SLC8A1: variants seen among roughly 807,000 people sequenced by gnomAD.
The protein encoded by SLC8A1 is solute carrier family 8 member A1.
A neutral mutation model predicts 68.3 loss-of-function variants in SLC8A1; 18 were observed. The observed-to-expected ratio is 0.26, with a 90% CI of 0.18 to 0.39. SLC8A1 has a LOEUF of 0.39. Among genes scored for constraint, SLC8A1 ranks in the 10% least tolerant of loss-of-function variants. The probability of loss-of-function intolerance (pLI) is 1.00; values close to 1 mark genes in which losing one functional copy is unlikely to be tolerated. For synonymous variants in SLC8A1, 475 were observed against 415.5 expected, an observed-to-expected ratio of 1.14 and a Z score of -1.74; for missense variants, 985 against 1,156.7, an observed-to-expected ratio of 0.85 and a Z score of 2.15.
intron 2 of SLC8A1, among the ~76,000 whole-genome samples, chr2:40,208,173 A>G (rs542185396): frequency 6.6e-6 from 1 of 152,196 alleles, no homozygotes; most frequent in East Asian, 1.9e-4. Context: ...TGTAGAAAGA[A>G]CTCAAATTAT....
At chr2:40,323,546 A>G (rs1394043220) in intron 2 of SLC8A1, among the ~76,000 whole-genome samples, 1 of 152,072 alleles carries the variant, frequency 6.6e-6, no homozygotes, top group East Asian at 1.9e-4. Flanking sequence ...TTCTATTAAC[A>G]CTCATTCCGT....
chr2:40,331,117 G>C (rs1417042596), intron 2 of SLC8A1, among the ~76,000 whole-genome samples: 2 of 152,152 alleles, frequency 1.3e-5, no homozygotes, highest in Non-Finnish European at 2.9e-5. Flanking sequence ...TCCTACCTAG[G>C]AAAATGAGGG....
intron 2 of SLC8A1, among the ~76,000 whole-genome samples, chr2:40,202,862 C>T (rs1287909389): frequency 2.0e-5 from 3 of 151,950 alleles, no homozygotes; most frequent in Admixed American, 6.6e-5. Flanking sequence ...TTTCTCTATG[C>T]CCAGGTAGAA....
rs1279678173 is a variant in SLC8A1, at chr2:40,307,501, T to A, written c.1808+120972A>T. Among the ~76,000 whole-genome samples the A allele has an allele frequency of 4.6e-5, 7 of 152,198 alleles. No homozygotes were observed. The East Asian group carries it at 1.3e-3, about 29-fold the overall frequency. ...TACTTAACACTATTGAACTGTACAC[T>A]TAAGATGGTCAGGATAGTAAATTTT... On this transcript the variant is annotated intron_variant, in intron 2 of 7. Coordinates refer to ENST00000406785, the Ensembl canonical transcript of SLC8A1.
At chr2:40,277,801 TA>T (rs2066943626) in intron 2 of SLC8A1, among the ~76,000 whole-genome samples, 3 of 68,744 alleles carry the variant, frequency 4.4e-5, no homozygotes, top group Non-Finnish European at 7.6e-5. Context: ...TGTGTATATA[TA>T]TATATATATA....
chr2:40,282,855 C>T (rs980031460), intron 2 of SLC8A1, among the ~76,000 whole-genome samples: 2 of 152,068 alleles, frequency 1.3e-5, no homozygotes, highest in Non-Finnish European at 2.9e-5. Context: ...GACATTCTTC[C>T]CATCCCATAC....
At chr2:40,460,565 C>G (rs1576612033) in intron 1 of SLC8A1, among the ~76,000 whole-genome samples, 1 of 146,834 alleles carries the variant, frequency 6.8e-6, no homozygotes, top group Non-Finnish European at 1.5e-5. Flanking sequence ...TAAAATCAGA[C>G]TGTAAGTATT....
chr2:40,260,592 G>A (rs894471192), intron 2 of SLC8A1, among the ~76,000 whole-genome samples: 1 of 152,126 alleles, frequency 6.6e-6, no homozygotes, highest in Non-Finnish European at 1.5e-5. Context: ...TATACCCACA[G>A]TCACTGGAGG....
At chr2:40,403,536 T>A (rs1029178646) in intron 2 of SLC8A1, among the ~76,000 whole-genome samples, 1 of 152,154 alleles carries the variant, frequency 6.6e-6, no homozygotes, top group Non-Finnish European at 1.5e-5. Flanking sequence ...CCTGCAGGAG[T>A]AAATTCAGTA....
chr2:40,276,935 C>T (rs1430563827), intron 2 of SLC8A1, among the ~76,000 whole-genome samples: 1 of 152,138 alleles, frequency 6.6e-6, no homozygotes, highest in African/African-American at 2.4e-5. Flanking sequence ...CTTAGAAAGG[C>T]TTGAGTCGAA....
At chr2:40,233,308 G>C (rs1319994930) in intron 2 of SLC8A1, among the ~76,000 whole-genome samples, 1 of 152,160 alleles carries the variant, frequency 6.6e-6, no homozygotes, top group Non-Finnish European at 1.5e-5. Context: ...GTGTGAGATG[G>C]TATCTCATGG....
chr2:40,177,795 G>A lies in SLC8A1; in HGVS notation c.1869C>T (p.Ser623=), dbSNP rs374378464. The change falls in exon 3 of 8, where the codon TCC becomes TCT. Residue 623 remains serine, a synonymous_variant. Coordinates refer to ENST00000406785, the Ensembl canonical transcript of SLC8A1. ...TCCATTTTGGTTCCTCAAGCACAAG[G>A]GAGAAACTGCACTCTTTCTCATATT... is the stretch of plus-strand genomic sequence containing the variant. 3.9e-6 allele frequency: 6 copies of A among 1,551,124 alleles called. No homozygotes were observed. In the African/African-American group the frequency reaches 6.8e-5, roughly 18 times the overall value.
intron 2 of SLC8A1, among the ~76,000 whole-genome samples, chr2:40,237,034 T>A (rs1213039869): frequency 1.0e-4 from 2 of 19,854 alleles, no homozygotes; most frequent in Admixed American, 1.1e-3. Context: ...GCCCTTAACA[T>A]TTTTTTTTTC....
intron 2 of SLC8A1, among the ~76,000 whole-genome samples, chr2:40,264,302 G>A (rs1459620065): frequency 1.6e-4 from 24 of 149,346 alleles, no homozygotes; most frequent in South Asian, 6.4e-4. Flanking sequence ...CCATTCCTCA[G>A]GGATCTAGAA....
exon 5 of SLC8A1, chr2:40,164,978 T>C (rs202013585): frequency 1.2e-6 from 2 of 1,613,834 alleles, no homozygotes; most frequent in African/African-American, 2.7e-5. Flanking sequence ...CTTGTCATCA[T>C]ATTCGTCTGT....
At chr2:40,291,795 T>G (rs2069376319) in intron 2 of SLC8A1, among the ~76,000 whole-genome samples, 1 of 152,154 alleles carries the variant, frequency 6.6e-6, no homozygotes, top group Non-Finnish European at 1.5e-5. Flanking sequence ...TAAACATTTT[T>G]ATCATATTTT....
chr2:40,507,819 A>C (rs542961423), intron 1 of SLC8A1, among the ~76,000 whole-genome samples: 1 of 152,126 alleles, frequency 6.6e-6, no homozygotes, highest in Non-Finnish European at 1.5e-5. Context: ...ACCTTCATAC[A>C]TATCAAGATA....
intron 2 of SLC8A1, among the ~76,000 whole-genome samples, chr2:40,312,513 T>G (rs1435067427): frequency 6.6e-6 from 1 of 152,078 alleles, no homozygotes; most frequent in Non-Finnish European, 1.5e-5. Flanking sequence ...ATTATAAAAG[T>G]ATAAAGGGTT....
At chr2:40,330,019 A>G (rs2076252953) in intron 2 of SLC8A1, among the ~76,000 whole-genome samples, 1 of 152,194 alleles carries the variant, frequency 6.6e-6, no homozygotes, top group African/African-American at 2.4e-5. Context: ...AGAAGCATAA[A>G]CTAATGTTTC....
Sources: gnomAD v4.1 joint callset for allele counts (sites outside exome capture counted in the v4.1 genomes callset) on GRCh38, gnomAD v4.1.1 for gene constraint, MANE v1.5 for transcripts, NCBI Gene and HGNC (gene_info 2026-07-23, HGNC 2026-07-21) for gene names.